ADAMTSL3: variants seen among roughly 807,000 people sequenced by gnomAD.
ADAMTSL3 encodes the protein ADAMTS like 3.
A neutral mutation model predicts 201.7 loss-of-function variants in ADAMTSL3; 128 were observed. The observed-to-expected ratio is 0.63, with a 90% CI of 0.55 to 0.73. The LOEUF is 0.73. Ranked by LOEUF, ADAMTSL3 falls within the 30% of genes least tolerant of loss-of-function variation. ADAMTSL3 has a pLI of 0.00. For missense variants in ADAMTSL3, 1,990 were observed against 2,119.6 expected (o/e 0.94, Z 1.20); for synonymous variants, 738 against 748.4 (o/e 0.99, Z 0.23).
intron 20 of ADAMTSL3, among the ~76,000 whole-genome samples, chr15:83,977,644 G>C (rs1465358845): frequency 6.6e-6 from 1 of 152,172 alleles, no homozygotes; most frequent in Non-Finnish European, 1.5e-5. Context: ...CATGAAGTGA[G>C]TGATTAAAGT....
At chr15:83,833,384 A>G (rs1006167406) in intron 6 of ADAMTSL3, among the ~76,000 whole-genome samples, 1 of 152,118 alleles carries the variant, frequency 6.6e-6, no homozygotes, top group Admixed American at 6.6e-5. Context: ...TGAGGGAGGT[A>G]TCCAGGGTAT....
chr15:84,006,767 C>T (rs895710754), intron 23 of ADAMTSL3, among the ~76,000 whole-genome samples: 7 of 152,188 alleles, frequency 4.6e-5, no homozygotes, highest in East Asian at 1.9e-4. Context: ...AGCAGTGGTG[C>T]GAAGAAATCT....
intron 16 of ADAMTSL3, among the ~76,000 whole-genome samples, chr15:83,921,146 C>G (rs1282864377): frequency 2.6e-5 from 4 of 152,104 alleles, no homozygotes; most frequent in African/African-American, 9.7e-5. Flanking sequence ...ACTCTTTGGC[C>G]TAGGACTTTA....
chr15:83,877,917 A>T (rs932281416), intron 9 of ADAMTSL3, among the ~76,000 whole-genome samples: 1 of 152,050 alleles, frequency 6.6e-6, no homozygotes, highest in Non-Finnish European at 1.5e-5. Flanking sequence ...TATTGACATT[A>T]TATTCTTACT....
Position 83,942,754 on chromosome 15 carries a change from G to GC in ADAMTSL3, c.2279dup (p.Pro761SerfsTer6). 1 of 1,613,926 alleles carries GC rather than the reference G, an allele frequency of 6.2e-7. No homozygotes were observed. Among genetic ancestry groups the GC allele is most frequent in the African/African-American group, 1.3e-5 (1 of 75,038 alleles). On this transcript the variant is annotated frameshift_variant, in exon 18 of 30. Coordinates refer to ENST00000286744, the MANE Select transcript of ADAMTSL3 (RefSeq NM_207517.3). LOFTEE classifies it high-confidence loss of function. ...TTACAAGCATGCAATCAGTTTGACT[G>GC]CCCTCCTGGCTGGCACATTGAAGAA...
At chr15:83,793,937 C>G (rs1203006819) in intron 4 of ADAMTSL3, among the ~76,000 whole-genome samples, 1 of 152,108 alleles carries the variant, frequency 6.6e-6, no homozygotes, top group Non-Finnish European at 1.5e-5. Context: ...ACTAGTATCT[C>G]TATTAAGAAC....
At chr15:83,855,722 A>C (rs1285024686) in intron 7 of ADAMTSL3, among the ~76,000 whole-genome samples, 2 of 152,224 alleles carry the variant, frequency 1.3e-5, no homozygotes, top group African/African-American at 4.8e-5. Flanking sequence ...GATTGTTGCA[A>C]GCCTTTGGTT....
chr15:83,790,892 G>C lies in ADAMTSL3; in HGVS notation c.318-13758G>C, dbSNP rs147783316. 5.1e-4 allele frequency among the ~76,000 whole-genome samples: 77 copies of C among 152,238 alleles called. 1 individual carries two copies. The East Asian group carries it at 0.015, about 29-fold the overall frequency. ...ATAGATAACAAAATTTAAAAATACAGTGCCATTAATAATCATTCAGAAAAG... is the reference window on the plus strand; with the variant it reads ...ATAGATAACAAAATTTAAAAATACACTGCCATTAATAATCATTCAGAAAAG... On this transcript the variant is annotated intron_variant, in intron 4 of 29. Transcript: ENST00000286744.
intron 3 of ADAMTSL3, among the ~76,000 whole-genome samples, chr15:83,746,970 A>T (rs2062557539): frequency 6.6e-6 from 1 of 152,248 alleles, no homozygotes; most frequent in African/African-American, 2.4e-5. Flanking sequence ...TATAAGGCAA[A>T]GCTTTGCTAT....
chr15:83,678,821 T>A (rs1480733776), intron 2 of ADAMTSL3, among the ~76,000 whole-genome samples: 3 of 144,184 alleles, frequency 2.1e-5, no homozygotes, highest in Non-Finnish European at 4.5e-5. Flanking sequence ...TAATATAAAA[T>A]ATAAATATAT....
At chr15:83,903,281 CA>C (rs2065762899) in intron 15 of ADAMTSL3, among the ~76,000 whole-genome samples, 1 of 141,560 alleles carries the variant, frequency 7.1e-6, no homozygotes, top group South Asian at 2.2e-4. Flanking sequence ...ATACACAACA[CA>C]AAACTTACCA....
At chr15:83,836,017 G>A (rs1055533585) in intron 6 of ADAMTSL3, among the ~76,000 whole-genome samples, 2 of 152,116 alleles carry the variant, frequency 1.3e-5, no homozygotes, top group African/African-American at 4.8e-5. Flanking sequence ...TGACAAAATT[G>A]CTCTGAAGAT....
chr15:83,673,857 G>C (rs1213050525), intron 2 of ADAMTSL3, among the ~76,000 whole-genome samples: 1 of 152,194 alleles, frequency 6.6e-6, no homozygotes, highest in Non-Finnish European at 1.5e-5. Context: ...GTTGGCACCA[G>C]AAGTGCAAGT....
chr15:83,791,503 A>G (rs1160454229), intron 4 of ADAMTSL3, among the ~76,000 whole-genome samples: 2 of 152,182 alleles, frequency 1.3e-5, no homozygotes, highest in Non-Finnish European at 2.9e-5. Flanking sequence ...TCTTCAATAA[A>G]TGGTGTTGGG....
At chr15:83,899,601 T>C (rs1465756806) in intron 14 of ADAMTSL3, 46 bp from the exon 15 acceptor site, 2 of 1,568,980 alleles carry the variant, frequency 1.3e-6, no homozygotes, top group Non-Finnish European at 1.7e-6. Context: ...AACTCCTTAA[T>C]GATTAATAGT....
intron 4 of ADAMTSL3, among the ~76,000 whole-genome samples, chr15:83,779,767 C>T (rs1433242149): frequency 6.7e-6 from 1 of 148,224 alleles, no homozygotes; most frequent in Non-Finnish European, 1.5e-5. Context: ...GAAAACAAGA[C>T]TAAAAAAATC....
At chr15:83,968,554 A>G (rs2067131881) in intron 19 of ADAMTSL3, among the ~76,000 whole-genome samples, 1 of 152,246 alleles carries the variant, frequency 6.6e-6, no homozygotes, top group African/African-American at 2.4e-5. Context: ...ATGCTTTTAC[A>G]CTGTTGGTGG....
intron 3 of ADAMTSL3, among the ~76,000 whole-genome samples, chr15:83,723,997 C>T (rs1347251601): frequency 2.6e-5 from 4 of 151,706 alleles, no homozygotes; most frequent in Non-Finnish European, 5.9e-5. Context: ...AATGGACATC[C>T]AAGGCTCAAT....
chr15:83,840,883 C>G (rs1046096735), intron 7 of ADAMTSL3, among the ~76,000 whole-genome samples: 5 of 152,228 alleles, frequency 3.3e-5, no homozygotes, highest in African/African-American at 1.2e-4. Flanking sequence ...TGCTGTTTTA[C>G]TGTGTCTTTC....
Sources: allele counts gnomAD v4.1 joint callset (sites outside exome capture counted in the v4.1 genomes callset), GRCh38; gene constraint gnomAD v4.1.1; transcripts MANE v1.5; gene names NCBI Gene and HGNC (gene_info 2026-07-23, HGNC 2026-07-21).